DNAJC5B: variants seen among roughly 807,000 people sequenced by gnomAD.
DNAJC5B encodes DnaJ heat shock protein family (Hsp40) member C5 beta, also known as dnaJ homolog subfamily C member 5B.
Under a neutral mutation model 24.7 loss-of-function variants are expected in DNAJC5B, and 23 were observed. The observed-to-expected ratio is 0.93, with a 90% CI of 0.67 to 1.32. The LOEUF (loss-of-function observed/expected upper bound fraction) is 1.32. Among genes scored for constraint, DNAJC5B ranks in the 40% most tolerant of loss-of-function variants. The pLI, the probability that DNAJC5B is intolerant of heterozygous loss-of-function variation, is 0.00. For missense variants in DNAJC5B, 238 were observed against 240.8 expected, an observed-to-expected ratio of 0.99 and a Z score of 0.08; for synonymous variants, 101 against 90.1, an observed-to-expected ratio of 1.12 and a Z score of -0.68.
At chr8:66,036,264 G>C (rs888501753) in intron 1 of DNAJC5B, among the ~76,000 whole-genome samples, 1 of 152,080 alleles carries the variant, frequency 6.6e-6, no homozygotes, top group Non-Finnish European at 1.5e-5. Flanking sequence ...GCTGGTTCCT[G>C]GGTTTTTGTT....
intron 3 of DNAJC5B, among the ~76,000 whole-genome samples, chr8:66,055,834 C>T (rs935569943): frequency 1.3e-5 from 2 of 152,048 alleles, no homozygotes; most frequent in Admixed American, 6.5e-5. Flanking sequence ...CCCAGCTGCT[C>T]GGGAGGCTGA....
intron 5 of DNAJC5B, among the ~76,000 whole-genome samples, chr8:66,096,533 T>C (rs1322884658): frequency 6.6e-6 from 1 of 152,164 alleles, no homozygotes; most frequent in Non-Finnish European, 1.5e-5. Context: ...TGATTTATGA[T>C]TTTGATTTTG....
At chr8:66,043,202 C>T (rs2357667) in intron 1 of DNAJC5B, among the ~76,000 whole-genome samples, 15,460 of 152,220 alleles carry the variant, frequency 0.1, 975 homozygotes, top group Non-Finnish European at 0.15. Flanking sequence ...GTTGCATGTT[C>T]TTTCCAGTAA....
chr8:66,058,405 T>C (rs1000421182), intron 3 of DNAJC5B, among the ~76,000 whole-genome samples: 1 of 152,230 alleles, frequency 6.6e-6, no homozygotes, highest in Non-Finnish European at 1.5e-5. Flanking sequence ...TATTTGCATG[T>C]CCTGATCCCA....
At chr8:66,056,371 T>C (rs1004833229) in intron 3 of DNAJC5B, 1 of 152,144 alleles carries the variant, frequency 6.6e-6, no homozygotes, top group Non-Finnish European at 1.5e-5. Flanking sequence ...AGTCTGGGAC[T>C]CCTCTCTCTC....
At chr8:66,029,875 G>A (rs557236094) in intron 1 of DNAJC5B, among the ~76,000 whole-genome samples, 1 of 152,102 alleles carries the variant, frequency 6.6e-6, no homozygotes, top group African/African-American at 2.4e-5. Context: ...CAGTGAGGGT[G>A]GGGGTGGTCG....
At chr8:66,073,618 C>G (rs1378177641) in intron 3 of DNAJC5B, among the ~76,000 whole-genome samples, 3 of 152,124 alleles carry the variant, frequency 2.0e-5, no homozygotes, top group Non-Finnish European at 4.4e-5. Context: ...AGAATTTGCT[C>G]TTTAAGATAT....
At position 66,055,589 on chromosome 8, in the gene DNAJC5B, G is replaced by A. The variant is rs1322130380; in HGVS notation, c.119+3923G>A. 2.6e-5 allele frequency among the ~76,000 whole-genome samples: 4 copies of A among 151,960 alleles called. No individual in the cohort carries two copies. The East Asian group carries it at 7.7e-4, about 29-fold the overall frequency. ...CATATCACCCAAGTCACTTTCCCAG[G>A]GGAAACAATATTATCAATTCTTTGT... On this transcript the variant is annotated intron_variant, in intron 3 of 5. Transcript: ENST00000276570.
At position 66,055,577 on chromosome 8, in the gene DNAJC5B, T is replaced by C. The variant is rs569674325; in HGVS notation, c.119+3911T>C. 2.5e-3 allele frequency among the ~76,000 whole-genome samples: 379 copies of C among 152,310 alleles called. 2 individuals are homozygous for C. The highest frequency in any genetic ancestry group is 3.8e-3 in the Non-Finnish European group (257 of 68,028). On this transcript the variant is annotated intron_variant, in intron 3 of 5. Coordinates refer to ENST00000276570, the MANE Select transcript of DNAJC5B (RefSeq NM_033105.6). ...TTTCTCTTACCTCATATCACCCAAG[T>C]CACTTTCCCAGGGGAAACAATATTA... is the stretch of plus-strand genomic sequence containing the variant.
At chr8:66,048,272 TG>T (rs1299174504) in intron 2 of DNAJC5B, among the ~76,000 whole-genome samples, 2 of 152,168 alleles carry the variant, frequency 1.3e-5, no homozygotes, top group Non-Finnish European at 2.9e-5. Flanking sequence ...GAAATGACTC[TG>T]GGCCTTCTGC....
intron 1 of DNAJC5B, among the ~76,000 whole-genome samples, chr8:66,033,399 G>C (rs183717996): frequency 2.0e-5 from 3 of 152,316 alleles, no homozygotes; most frequent in East Asian, 3.9e-4. Context: ...TAATTGACTA[G>C]AATATGACTC....
intron 2 of DNAJC5B, among the ~76,000 whole-genome samples, chr8:66,049,761 G>A (rs1262295837): frequency 6.6e-6 from 1 of 152,202 alleles, no homozygotes; most frequent in Admixed American, 6.5e-5. Context: ...ATTAGTGACA[G>A]CAAGATCCAA....
chr8:66,071,977 C>T (rs1195973284), intron 3 of DNAJC5B, among the ~76,000 whole-genome samples: 3 of 141,086 alleles, frequency 2.1e-5, no homozygotes, highest in Non-Finnish European at 3.0e-5. Context: ...CATGTTCTCA[C>T]TCATAAGTGG....
intron 5 of DNAJC5B, among the ~76,000 whole-genome samples, chr8:66,099,294 T>C (rs906110406): frequency 2.0e-4 from 30 of 151,882 alleles, no homozygotes; most frequent in Admixed American, 1.3e-4. Context: ...TGGCTTGCCA[T>C]TGAACATTTT....
chr8:66,077,000 G>T lies in DNAJC5B; in HGVS notation c.333+127G>T, dbSNP rs1807482624. ...ACTCTGGTAAATAAAAGGAGATATT[G>T]CTTCCACTGAATGCTATTATTTAGG... On this transcript the variant is annotated intron_variant, in intron 4 of 5. Transcript: ENST00000276570. The T allele has an allele frequency of 1.6e-5, 14 of 901,998 alleles. No homozygotes were observed. The South Asian group carries it at 2.2e-4, about 14-fold the overall frequency. The allele number at this position is 901,998 out of a possible 1,614,324, so 55.9% of individuals were successfully genotyped here. A position where few individuals can be genotyped will look rare whatever the true frequency, so the allele number is the denominator to read the frequency against.
intron 1 of DNAJC5B, among the ~76,000 whole-genome samples, chr8:66,036,365 T>G (rs1806485157): frequency 6.6e-6 from 1 of 152,142 alleles, no homozygotes; most frequent in African/African-American, 2.4e-5. Context: ...CCACAGTTGC[T>G]CCAATGTTTC....
In DNAJC5B at chr8:66,100,597, A is replaced by C. The variant is rs1189058778; in HGVS notation, c.*566A>C. The C allele has an allele frequency of 6.6e-6, 1 of 152,194 alleles. No homozygotes were observed. The highest frequency in any genetic ancestry group is 1.5e-5 in the Non-Finnish European group (1 of 68,038). 9.4% of individuals were successfully genotyped at this position (152,194 alleles called of 1,614,324 possible). A position where few individuals can be genotyped will look rare whatever the true frequency, so the allele number is the denominator to read the frequency against. On this transcript the variant is annotated 3_prime_UTR_variant, in exon 6 of 6. Transcript: ENST00000276570. ...ACATTAAAAATTGGCATTTACTGAA[A>C]ACTGGAAACCAGGAAGAAACAGGTT...
At chr8:66,017,921 C>G (rs1415850632), upstream of DNAJC5B, among the ~76,000 whole-genome samples, 1 of 152,102 alleles carries the variant, frequency 6.6e-6, no homozygotes. Flanking sequence ...AAACCAAAAG[C>G]AAAATAAGAA....
At chr8:66,046,107 GA>G (rs1488364292) in intron 2 of DNAJC5B, among the ~76,000 whole-genome samples, 1 of 152,132 alleles carries the variant, frequency 6.6e-6, no homozygotes, top group Admixed American at 6.5e-5. Context: ...GGGCTTCCTG[GA>G]AATCCTCAGG....
Sources: gnomAD v4.1 joint callset for allele counts (sites outside exome capture counted in the v4.1 genomes callset) on GRCh38, gnomAD v4.1.1 for gene constraint, MANE v1.5 for transcripts, NCBI Gene and HGNC (gene_info 2026-07-23, HGNC 2026-07-21) for gene names.